The following ZNF713 variants were observed in gnomAD, a reference collection of about 807,000 sequenced individuals.
The protein encoded by ZNF713 is zinc finger protein 713.
ZNF713 carries 21 observed loss-of-function variants against 28.7 expected under a neutral mutation model. That is an observed-to-expected ratio of 0.73 (90% CI 0.52 to 1.05). The LOEUF (loss-of-function observed/expected upper bound fraction) is 1.05, where lower values mean the gene tolerates loss of function less well. ZNF713 is among the 50% of genes least tolerant of loss of function. The pLI is 0.00. For missense variants in ZNF713, 458 were observed against 532.4 expected, an observed-to-expected ratio of 0.86 and a Z score of 1.37; for synonymous variants, 167 against 178.0, an observed-to-expected ratio of 0.94 and a Z score of 0.49.
rs1366894402 is a variant in ZNF713 at position 55,940,502 on chromosome 7, A to G, written c.*496A>G. The G allele has an allele frequency of 1.0e-6, 1 of 982,696 alleles. No individual in the cohort carries two copies. The highest frequency in any genetic ancestry group is 1.2e-6 in the Non-Finnish European group (1 of 827,584). The allele number at this position is 982,696 out of a possible 1,614,324, so 60.9% of individuals were successfully genotyped here. A position where few individuals can be genotyped will look rare whatever the true frequency, so the allele number is the denominator to read the frequency against. Reference sequence around the variant, plus strand: ...TATTACATTCCCAGGAGGGGTTATAAAAAGAAAAAATAATTTATTTTACAA... The same window carrying G: ...TATTACATTCCCAGGAGGGGTTATAGAAAGAAAAAATAATTTATTTTACAA... On this transcript the variant is annotated 3_prime_UTR_variant, in exon 7 of 7. Coordinates refer to ENST00000429591, the MANE Select transcript of ZNF713 (RefSeq NM_182633.3).
chr7:55,934,366 G>T (rs556468710), intron 6 of ZNF713, among the ~76,000 whole-genome samples: 19 of 152,202 alleles, frequency 1.2e-4, no homozygotes, highest in African/African-American at 4.3e-4. Context: ...ATGGGGAAAT[G>T]CTCAAGCTAA....
intron 1 of ZNF713, among the ~76,000 whole-genome samples, chr7:55,891,660 T>C (rs1255921932): frequency 6.6e-6 from 1 of 152,088 alleles, no homozygotes; most frequent in Non-Finnish European, 1.5e-5. Context: ...GCCACTGCAC[T>C]GCAGCCTGGG....
In ZNF713 at chr7:55,941,178, G is replaced by A. The variant is rs1327635124; in HGVS notation, c.*1172G>A. On this transcript the variant is annotated 3_prime_UTR_variant, in exon 7 of 7. Transcript: ENST00000429591. ...TGATTAATTAAAGACAATGCTGGCT[G>A]GGGGCGGTGGTTCACGCCTATAATC... 7.2e-5 allele frequency: 10 copies of A among 138,452 alleles called. No homozygotes were observed. The highest frequency in any genetic ancestry group is 2.5e-4 in the African/African-American group (10 of 40,570). 8.6% of individuals were successfully genotyped at this position (138,452 alleles called of 1,614,324 possible). A position where few individuals can be genotyped will look rare whatever the true frequency, so the allele number is the denominator to read the frequency against.
chr7:55,889,743 C>T (rs1032890723), intron 1 of ZNF713, among the ~76,000 whole-genome samples: 2 of 152,146 alleles, frequency 1.3e-5, no homozygotes, highest in African/African-American at 4.8e-5. Flanking sequence ...ATGTGAATTT[C>T]ATTAGAAAAG....
At chr7:55,924,599 C>G (rs1786058973) in intron 6 of ZNF713, 1 of 152,196 alleles carries the variant, frequency 6.6e-6, no homozygotes, top group African/African-American at 2.4e-5. Flanking sequence ...TATGGCTGGT[C>G]ATGGTGGCTC....
chr7:55,936,126 A>G (rs1160541318), intron 6 of ZNF713, among the ~76,000 whole-genome samples: 1 of 150,220 alleles, frequency 6.7e-6, no homozygotes, highest in Admixed American at 6.7e-5. Flanking sequence ...TTAGCCAGGC[A>G]TGATAGTGTG....
chr7:55,927,790 G>A (rs1016453916), intron 6 of ZNF713, among the ~76,000 whole-genome samples: 6 of 149,470 alleles, frequency 4.0e-5, no homozygotes, highest in Admixed American at 3.4e-4. Flanking sequence ...CCAGCTACTC[G>A]GGAAGCTGAG....
chr7:55,915,257 C>T (rs989663862), intron 4 of ZNF713, among the ~76,000 whole-genome samples: 2 of 152,210 alleles, frequency 1.3e-5, no homozygotes, highest in African/African-American at 4.8e-5. Context: ...TTTCTGGAAC[C>T]ATTTATTATG....
chr7:55,901,115 A>G (rs1251577007), intron 1 of ZNF713, among the ~76,000 whole-genome samples: 1 of 152,240 alleles, frequency 6.6e-6, no homozygotes, highest in Non-Finnish European at 1.5e-5. Flanking sequence ...CTGCTGATAA[A>G]GACATACCCA....
intron 1 of ZNF713, among the ~76,000 whole-genome samples, chr7:55,905,164 A>C (rs35304280): frequency 0.047 from 7,103 of 152,260 alleles, 295 homozygotes; most frequent in East Asian, 0.22. Flanking sequence ...GTAGAAAGAT[A>C]GTGAAAAACA....
intron 4 of ZNF713, among the ~76,000 whole-genome samples, chr7:55,916,565 T>C (rs1185393661): frequency 6.6e-6 from 1 of 152,260 alleles, no homozygotes. Context: ...GTCTCTTTTA[T>C]TCACTGGTAC....
intron 4 of ZNF713, chr7:55,917,964 A>G: frequency 2.2e-6 from 1 of 446,862 alleles, no homozygotes; most frequent in South Asian, 1.6e-5. Flanking sequence ...GACAGATTGC[A>G]TTTTCAGAAA....
At chr7:55,899,430 CGAG>C (rs758368844) in intron 1 of ZNF713, among the ~76,000 whole-genome samples, 12 of 2,978 alleles carry the variant, frequency 4.0e-3, no homozygotes, top group South Asian at 0.018. Context: ...TTTGGGAGGC[CGAG>C]GGGGGGGGGG....
intron 1 of ZNF713, among the ~76,000 whole-genome samples, chr7:55,897,792 G>A (rs758630786): frequency 6.6e-6 from 1 of 152,256 alleles, no homozygotes; most frequent in Admixed American, 6.5e-5. Flanking sequence ...ACATATTGAC[G>A]TCATAAACAT....
At chr7:55,937,517 T>C (rs1786378125) in intron 6 of ZNF713, among the ~76,000 whole-genome samples, 1 of 151,994 alleles carries the variant, frequency 6.6e-6, no homozygotes. Flanking sequence ...AGGAATTACT[T>C]TGGGGTTCTA....
chr7:55,910,706 A>G (rs1785769119), intron 2 of ZNF713, among the ~76,000 whole-genome samples: 1 of 152,000 alleles, frequency 6.6e-6, no homozygotes, highest in African/African-American at 2.4e-5. Context: ...ATGTTGCCCT[A>G]GCTGGTCTCA....
In ZNF713 at chr7:55,936,158, G is replaced by A. The variant is rs185720252; in HGVS notation, c.308-2824G>A. On this transcript the variant is annotated intron_variant, in intron 6 of 6. Coordinates refer to ENST00000429591, the MANE Select transcript of ZNF713 (RefSeq NM_182633.3). ...TGTGCACCTGTAGTCCCAGCTACTC[G>A]GGAGGCTGAGGTGGGAGAATCACTT... Among the ~76,000 whole-genome samples the A allele has an allele frequency of 2.6e-3, 392 of 150,682 alleles. 1 individual carries two copies. Among genetic ancestry groups the A allele is most frequent in the African/African-American group, 9.1e-3 (372 of 40,944 alleles).
intron 4 of ZNF713, among the ~76,000 whole-genome samples, chr7:55,914,414 C>T (rs564416580): frequency 2.6e-5 from 4 of 152,226 alleles, no homozygotes; most frequent in African/African-American, 9.6e-5. Flanking sequence ...AAGCTGTTCT[C>T]AAACTCCTGG....
chr7:55,934,969 A>C (rs1057383362), intron 6 of ZNF713, among the ~76,000 whole-genome samples: 2 of 149,534 alleles, frequency 1.3e-5, no homozygotes, highest in East Asian at 2.0e-4. Context: ...GCTCACTGCA[A>C]CCTCCGCCTC....
Sources: gnomAD v4.1 joint callset for allele counts (sites outside exome capture counted in the v4.1 genomes callset) on GRCh38, gnomAD v4.1.1 for gene constraint, MANE v1.5 for transcripts, NCBI Gene and HGNC (gene_info 2026-07-23, HGNC 2026-07-21) for gene names.